The following PTPRM variants were observed in gnomAD, a reference collection of about 807,000 sequenced individuals.
PTPRM encodes the protein protein tyrosine phosphatase receptor type M.
In PTPRM, 47 loss-of-function variants were observed where a neutral mutation model predicts 186.7. That is an observed-to-expected ratio of 0.25 (90% confidence interval 0.20 to 0.32). The LOEUF (loss-of-function observed/expected upper bound fraction) is 0.32. Ranked by LOEUF, PTPRM falls within the 10% of genes least tolerant of loss-of-function variation. The pLI is 1.00. For missense variants in PTPRM, 1,494 were observed against 1,865.0 expected, an observed-to-expected ratio of 0.80 and a Z score of 3.66; for synonymous variants, 668 against 674.9, an observed-to-expected ratio of 0.99 and a Z score of 0.16.
chr18:7,708,946 T>A (rs1411101015), intron 1 of PTPRM, among the ~76,000 whole-genome samples: 1 of 152,172 alleles, frequency 6.6e-6, no homozygotes, highest in Non-Finnish European at 1.5e-5. Context: ...GCTCACTTCA[T>A]GGAATTTATG....
intron 7 of PTPRM, among the ~76,000 whole-genome samples, chr18:7,961,866 A>G (rs907574929): frequency 6.6e-6 from 1 of 152,218 alleles, no homozygotes; most frequent in African/African-American, 2.4e-5. Context: ...GTAGAGCTAT[A>G]TATTTGTCTG....
chr18:8,124,353 A>G (rs1355448282), intron 13 of PTPRM, among the ~76,000 whole-genome samples: 1 of 152,208 alleles, frequency 6.6e-6, no homozygotes, highest in Admixed American at 6.5e-5. Context: ...TCACCCATCA[A>G]CTTCGATAGC....
intron 32 of PTPRM, chr18:8,399,878 A>T (rs1157766164): frequency 6.6e-6 from 1 of 152,272 alleles, no homozygotes; most frequent in Non-Finnish European, 1.5e-5. Context: ...CGAAAATTCC[A>T]AATAGAATGT....
chr18:7,945,464 C>CA lies in PTPRM; in HGVS notation c.664-3706dup, dbSNP rs36069757. Among the ~76,000 whole-genome samples, 762 of 144,236 alleles carry CA rather than the reference C, an allele frequency of 5.3e-3. 2 individuals carry two copies. The highest frequency in any genetic ancestry group is 7.2e-3 in the Non-Finnish European group (472 of 65,600). 94.6% of individuals were successfully genotyped at this position (144,236 alleles called of 152,430 possible). On this transcript the variant is annotated intron_variant, in intron 5 of 32. Transcript: ENST00000580170. Reference sequence around the variant, plus strand: ...TGGGCAGCCAAGTGAGACTCCATCTCAAAAAAAAAAAGAGAATATGCAGAG... The same window carrying CA: ...TGGGCAGCCAAGTGAGACTCCATCTCAAAAAAAAAAAAGAGAATATGCAGAG...
rs756178512 is a variant in PTPRM at position 8,136,281 on chromosome 18, T to G, written c.2168-7366T>G. Among the ~76,000 whole-genome samples the G allele has an allele frequency of 5.3e-4, 81 of 152,194 alleles. 2 individuals are homozygous for G. The highest frequency in any genetic ancestry group is 4.4e-4 in the Non-Finnish European group (30 of 68,024). On this transcript the variant is annotated intron_variant, in intron 13 of 32. Transcript: ENST00000580170. ...CAGTTTGTTTCCCTATTTTATTACTTGATAATGATTTGAGAAATTCAAATG... is the reference window on the plus strand; with the variant it reads ...CAGTTTGTTTCCCTATTTTATTACTGGATAATGATTTGAGAAATTCAAATG...
intron 14 of PTPRM, among the ~76,000 whole-genome samples, chr18:8,196,753 C>T (rs1446271887): frequency 6.6e-6 from 1 of 152,182 alleles, no homozygotes; most frequent in African/African-American, 2.4e-5. Context: ...TCCCATATGT[C>T]ACGATATGTT....
intron 14 of PTPRM, among the ~76,000 whole-genome samples, chr18:8,174,022 C>T (rs1234223468): frequency 3.2e-4 from 48 of 151,050 alleles, no homozygotes; most frequent in Admixed American, 3.0e-3. Flanking sequence ...GCTGAGATCA[C>T]GCCACTGCAC....
At chr18:8,013,143 A>G (rs1273558468) in intron 7 of PTPRM, among the ~76,000 whole-genome samples, 2 of 152,234 alleles carry the variant, frequency 1.3e-5, no homozygotes, top group Non-Finnish European at 1.5e-5. Context: ...TTTCACCAGC[A>G]TAAAAACCTT....
At chr18:8,178,643 T>C (rs1437111808) in intron 14 of PTPRM, among the ~76,000 whole-genome samples, 2 of 151,846 alleles carry the variant, frequency 1.3e-5, no homozygotes, top group East Asian at 3.9e-4. Flanking sequence ...AAAAACTAGC[T>C]GGGCATGGTG....
intron 7 of PTPRM, among the ~76,000 whole-genome samples, chr18:7,958,369 A>G (rs567951156): frequency 6.6e-6 from 1 of 152,280 alleles, no homozygotes; most frequent in South Asian, 2.1e-4. Context: ...AGACAGCACA[A>G]AATAGATTTT....
At chr18:8,389,314 A>G (rs2095797161) in intron 31 of PTPRM, among the ~76,000 whole-genome samples, 1 of 152,216 alleles carries the variant, frequency 6.6e-6, no homozygotes, top group Admixed American at 6.5e-5. Context: ...GACTCGAAGA[A>G]GTTGAGGCAC....
Position 8,136,419 on chromosome 18 carries a change from G to A in PTPRM, c.2168-7228G>A, listed in dbSNP as rs144146164. On this transcript the variant is annotated intron_variant, in intron 13 of 32. Coordinates refer to ENST00000580170, the MANE Select transcript of PTPRM (RefSeq NM_001105244.2). ...TGATAGATCATCTTCTCCACAGGGC[G>A]TCAGCCACATCAATAAATGAGGCAG... Among the ~76,000 whole-genome samples, 595 of 152,182 alleles carry A rather than the reference G, an allele frequency of 3.9e-3. 5 individuals carry two copies. The highest frequency in any genetic ancestry group is 0.014 in the African/African-American group (567 of 41,492).
At chr18:7,941,039 T>C (rs2052137812) in intron 5 of PTPRM, among the ~76,000 whole-genome samples, 1 of 152,208 alleles carries the variant, frequency 6.6e-6, no homozygotes, top group Non-Finnish European at 1.5e-5. Context: ...TGGTGACTTT[T>C]ACTAGTATCC....
chr18:8,102,783 G>A (rs1225131849), intron 11 of PTPRM, among the ~76,000 whole-genome samples: 1 of 147,854 alleles, frequency 6.8e-6, no homozygotes, highest in Non-Finnish European at 1.5e-5. Flanking sequence ...CTGGAATAGT[G>A]ACCCCTTTCC....
At chr18:8,098,329 T>C (rs1464747883) in intron 11 of PTPRM, among the ~76,000 whole-genome samples, 1 of 152,216 alleles carries the variant, frequency 6.6e-6, no homozygotes, top group South Asian at 2.1e-4. Context: ...TTTAATAATT[T>C]AGTTTTTGAA....
chr18:8,076,202 G>A (rs974256898), intron 8 of PTPRM, among the ~76,000 whole-genome samples: 5 of 151,962 alleles, frequency 3.3e-5, no homozygotes, highest in Non-Finnish European at 5.9e-5. Flanking sequence ...GAGTAAAAAC[G>A]TTTATTTAAT....
chr18:8,220,505 G>C (rs912849074), intron 14 of PTPRM, among the ~76,000 whole-genome samples: 2 of 152,272 alleles, frequency 1.3e-5, no homozygotes, highest in Admixed American at 1.3e-4. Context: ...CAGGATTGGG[G>C]CATTCTTTAT....
rs980473172 is a variant in PTPRM at position 7,706,827 on chromosome 18, G to A, written c.74-67322G>A. Among the ~76,000 whole-genome samples, 58 of 151,994 alleles carry A rather than the reference G, an allele frequency of 3.8e-4. 1 individual carries two copies. The highest frequency in any genetic ancestry group is 1.0e-4 in the Non-Finnish European group (7 of 68,010). On this transcript the variant is annotated intron_variant, in intron 1 of 32. Transcript: ENST00000580170. ...ACTATAAATATTGAGAATTTTGAGA[G>A]TATTAGCAGTGAGTTAGGATTTTTA... is the stretch of plus-strand genomic sequence containing the variant.
At chr18:8,267,010 T>C (rs755202179) in intron 19 of PTPRM, among the ~76,000 whole-genome samples, 16 of 152,352 alleles carry the variant, frequency 1.1e-4, no homozygotes, top group Admixed American at 6.5e-4. Context: ...TAGGGAGACA[T>C]GGAAAACCTT....
Sources: gnomAD v4.1 joint callset for allele counts (sites outside exome capture counted in the v4.1 genomes callset) on GRCh38, gnomAD v4.1.1 for gene constraint, MANE v1.5 for transcripts, NCBI Gene and HGNC (gene_info 2026-07-23, HGNC 2026-07-21) for gene names.